FKBP3: variants seen among roughly 807,000 people sequenced by gnomAD.
FKBP3 encodes peptidyl-prolyl cis-trans isomerase FKBP3.
A neutral mutation model predicts 30.6 loss-of-function variants in FKBP3; 21 were observed. The observed-to-expected ratio is 0.69, with a 90% confidence interval of 0.49 to 0.99. FKBP3 has a LOEUF of 0.99. FKBP3 is among the 50% of genes least tolerant of loss of function. The pLI is 0.00. For missense variants in FKBP3, 283 were observed against 261.6 expected (o/e 1.08, Z -0.56); for synonymous variants, 82 against 91.3 (o/e 0.90, Z 0.58).
chr14:45,132,731 G>C (rs965916907), intron 1 of FKBP3, among the ~76,000 whole-genome samples: 1 of 150,190 alleles, frequency 6.7e-6, no homozygotes, highest in East Asian at 2.0e-4. Flanking sequence ...CACCACGACC[G>C]ACCGAGACTA....
intron 6 of FKBP3, among the ~76,000 whole-genome samples, chr14:45,117,226 C>T (rs924079935): frequency 6.6e-6 from 1 of 152,232 alleles, no homozygotes; most frequent in Non-Finnish European, 1.5e-5. Flanking sequence ...CCCTCCTTGG[C>T]CTCCCAAAGT....
Position 45,134,353 on chromosome 14 carries a change from T to C in FKBP3, c.104A>G (p.Asp35Gly). 6.2e-7 allele frequency: 1 copy of C among 1,613,246 alleles called. No individual in the cohort carries two copies. The highest frequency in any genetic ancestry group is 8.5e-7 in the Non-Finnish European group (1 of 1,179,378). Residue 35 changes from aspartate (D) to glycine (G), a missense_variant, in exon 1 of 7, where the codon GAT (aspartate) becomes GGT (glycine). Transcript: ENST00000396062. ...CCGCCCCTACGCCTCTGGTACCGAA[T>C]CTGAACCGTGTTCCTGCAGAAACTT... ...IIKFLQEHGS[D>G]SFLAEHKLLG...
In FKBP3 at chr14:45,130,740, C is replaced by A. The variant is rs1594745540; in HGVS notation, c.169G>T (p.Asp57Tyr). The A allele has an allele frequency of 6.2e-7, 1 of 1,610,804 alleles. No individual in the cohort carries two copies. The highest frequency in any genetic ancestry group is 8.5e-7 in the Non-Finnish European group (1 of 1,178,606). Residue 57 changes from aspartate (D) to tyrosine (Y), a missense_variant, in exon 2 of 7, where the codon GAC (aspartate) becomes TAC (tyrosine). By Grantham distance (160) the Asp-to-Tyr change is radical. Coordinates refer to ENST00000396062, the MANE Select transcript of FKBP3 (RefSeq NM_002013.4). ...TGGTTATAGGCTGTAACCAAGTGGT[C>A]CTTGTTAGCTGTCTTGGCCACATTT... is the stretch of plus-strand genomic sequence containing the variant. ...IKNVAKTANKDHLVTAYNHLF... is the reference protein window; with the variant it reads ...IKNVAKTANKYHLVTAYNHLF...
chr14:45,132,734 C>T (rs1371942954), intron 1 of FKBP3, among the ~76,000 whole-genome samples: 5 of 151,982 alleles, frequency 3.3e-5, no homozygotes, highest in Non-Finnish European at 5.9e-5. Flanking sequence ...CACGACCGAC[C>T]GAGACTATGC....
chr14:45,123,010 T>C (rs1303346881), intron 3 of FKBP3, among the ~76,000 whole-genome samples: 3 of 151,452 alleles, frequency 2.0e-5, no homozygotes, highest in South Asian at 2.1e-4. Context: ...CTGGCCAACA[T>C]GGTAAAACCC....
intron 3 of FKBP3, among the ~76,000 whole-genome samples, chr14:45,125,292 C>A (rs75451707): frequency 0.034 from 5,123 of 152,244 alleles, 143 homozygotes; most frequent in East Asian, 0.13. Context: ...AGTGGAGAGA[C>A]TTGTTAGGAA....
intron 4 of FKBP3, among the ~76,000 whole-genome samples, 167 bp from the exon 5 acceptor site, chr14:45,121,121 A>G (rs1484664877): frequency 1.3e-5 from 2 of 152,232 alleles, no homozygotes; most frequent in South Asian, 2.1e-4. Flanking sequence ...TCATCCATCA[A>G]TAAAATTCTG....
intron 1 of FKBP3, among the ~76,000 whole-genome samples, chr14:45,133,733 T>C (rs1175792786): frequency 6.6e-6 from 1 of 152,170 alleles, no homozygotes; most frequent in African/African-American, 2.4e-5. Context: ...TTCAAATAAA[T>C]TTCTTAGTCT....
chr14:45,130,136 G>A (rs578096938), intron 2 of FKBP3, among the ~76,000 whole-genome samples: 1 of 152,288 alleles, frequency 6.6e-6, no homozygotes, highest in Non-Finnish European at 1.5e-5. Flanking sequence ...ATTCTGAAAT[G>A]AGAACCATGA....
Position 45,129,817 on chromosome 14 carries a change from T to C in FKBP3, c.295A>G (p.Lys99Glu). 6.2e-7 allele frequency: 1 copy of C among 1,611,710 alleles called. No individual in the cohort carries two copies. The highest frequency in any genetic ancestry group is 8.5e-7 in the Non-Finnish European group (1 of 1,178,402). The change falls in exon 3 of 7, where the codon AAG becomes GAG. Residue 99 changes from lysine to glutamate, a missense_variant. Physicochemically the swap from Lys to Glu is moderately conservative, Grantham distance 56 (BLOSUM62 1). Coordinates refer to ENST00000396062, the MANE Select transcript of FKBP3 (RefSeq NM_002013.4). ...ACCTCATCCAGGGTCTCTTCAGACT[T>C]GGTTTCTTTGGGTTTATCTTCATTA... ...KLNEDKPKET[K>E]SEETLDEGPP...
intron 6 of FKBP3, among the ~76,000 whole-genome samples, 199 bp downstream of exon 6, chr14:45,117,829 G>A (rs1884886160): frequency 6.6e-6 from 1 of 152,214 alleles, no homozygotes; most frequent in Non-Finnish European, 1.5e-5. Context: ...AATTCTAGCT[G>A]AGGTTTGAAC....
intron 6 of FKBP3, among the ~76,000 whole-genome samples, chr14:45,117,054 G>A (rs78369579): frequency 2.7e-5 from 4 of 150,422 alleles, no homozygotes; most frequent in Non-Finnish European, 4.4e-5. Context: ...TCACTGCAAC[G>A]TCTGCTTCCC....
At chr14:45,130,317 A>G (rs1885186574) in intron 2 of FKBP3, among the ~76,000 whole-genome samples, 1 of 152,254 alleles carries the variant, frequency 6.6e-6, no homozygotes, top group Non-Finnish European at 1.5e-5. Context: ...CTTTAAATTC[A>G]TTAGTGAAAT....
chr14:45,120,790 C>T (rs1171394695), intron 5 of FKBP3, 97 bp downstream of exon 5: 3 of 973,252 alleles, frequency 3.1e-6, no homozygotes, highest in Non-Finnish European at 4.8e-6. Flanking sequence ...AAGTCTGTTT[C>T]CTTTGTATTA....
At chr14:45,117,215 GC>G (rs1451559710) in intron 6 of FKBP3, among the ~76,000 whole-genome samples, 4 of 152,264 alleles carry the variant, frequency 2.6e-5, no homozygotes, top group African/African-American at 9.6e-5. Flanking sequence ...CAGGTGATCT[GC>G]CCTCCTTGGC....
Position 45,116,978 on chromosome 14 carries a change from G to GC in FKBP3, c.621-727dup, listed in dbSNP as rs916784438. 1.2e-3 allele frequency among the ~76,000 whole-genome samples: 172 copies of GC among 148,560 alleles called. 3 individuals carry two copies. Among genetic ancestry groups the GC allele is most frequent in the East Asian group, 0.011 (56 of 5,006 alleles). On this transcript the variant is annotated intron_variant, in intron 6 of 6. Transcript: ENST00000396062. Reference sequence around the variant, plus strand: ...CTGCAGCTGACCATTTGATTTCCCCGCCCCCCCCACCGAGACAGAGCCTCA... The same window carrying GC: ...CTGCAGCTGACCATTTGATTTCCCCGCCCCCCCCCACCGAGACAGAGCCTCA...
chr14:45,116,511 G>A (rs1054463630), intron 6 of FKBP3, among the ~76,000 whole-genome samples: 3 of 151,618 alleles, frequency 2.0e-5, no homozygotes, highest in Non-Finnish European at 2.9e-5. Flanking sequence ...TAGAGAGAGA[G>A]TATTAAAGTT....
chr14:45,126,877 G>A (rs572230366), intron 3 of FKBP3, among the ~76,000 whole-genome samples: 13 of 152,024 alleles, frequency 8.6e-5, no homozygotes, highest in African/African-American at 2.9e-4. Context: ...GTGCAGTGGC[G>A]CAATCTTGGC....
At chr14:45,127,367 G>A (rs1202418527) in intron 3 of FKBP3, among the ~76,000 whole-genome samples, 3 of 151,336 alleles carry the variant, frequency 2.0e-5, no homozygotes, top group African/African-American at 4.9e-5. Flanking sequence ...CGCCTGCCTC[G>A]GCCTCCCAAA....
Sources: gnomAD v4.1 joint callset for allele counts (sites outside exome capture counted in the v4.1 genomes callset) on GRCh38, gnomAD v4.1.1 for gene constraint, MANE v1.5 for transcripts, NCBI Gene and HGNC (gene_info 2026-07-23, HGNC 2026-07-21) for gene names.